The following MED31 variants were observed in gnomAD, a reference collection of about 807,000 sequenced individuals.
MED31 encodes the protein mediator complex subunit 31.
Under a neutral mutation model 22.0 loss-of-function variants are expected in MED31, and 11 were observed. The ratio of observed to expected loss-of-function variants is 0.50; its 90% CI spans 0.31 to 0.83. The LOEUF (loss-of-function observed/expected upper bound fraction) is 0.83, where lower values mean the gene tolerates loss of function less well. Among genes scored for constraint, MED31 ranks in the 40% least tolerant of loss-of-function variants. MED31 has a pLI of 0.04. For synonymous variants in MED31, 60 were observed against 55.1 expected (o/e 1.09, Z -0.40); for missense variants, 122 against 155.3 (o/e 0.79, Z 1.14).
In MED31 at chr17:6,651,328, C is replaced by T. The variant is rs112725605; in HGVS notation, c.28+173G>A. On this transcript the variant is annotated intron_variant, in intron 1 of 3. Transcript: ENST00000225728. ...GCAAAGATGTGCGAACAAACCAAAT[C>T]AGGAAAACTGCAAAGAGTACCTTAG... is the stretch of plus-strand genomic sequence containing the variant. 1,109 of 915,908 alleles carry T rather than the reference C, an allele frequency of 1.2e-3. 14 individuals carry two copies. The African/African-American group carries it at 0.016, about 13-fold the overall frequency. 56.7% of individuals were successfully genotyped at this position (915,908 alleles called of 1,614,324 possible).
intron 3 of MED31, among the ~76,000 whole-genome samples, chr17:6,649,329 G>T (rs1468761323): frequency 6.6e-6 from 1 of 151,054 alleles, no homozygotes; most frequent in African/African-American, 2.5e-5. Context: ...GACCTGAATG[G>T]TAAATATATA....
At chr17:6,650,298 C>A in intron 2 of MED31, 58 bp downstream of exon 2, 1 of 1,534,260 alleles carries the variant, frequency 6.5e-7, no homozygotes, top group Non-Finnish European at 9.0e-7. Context: ...TGAACTGCAA[C>A]TCTTCTGTCA....
At position 6,643,889 on chromosome 17, in the gene MED31, C is replaced by T; in HGVS notation, c.*578G>A. Reference sequence around the variant, plus strand: ...CTAACCACTAGTTGTCCTGCCATGACTAGGTCAAGTGAGGCCACAGTGATT... The same window carrying T: ...CTAACCACTAGTTGTCCTGCCATGATTAGGTCAAGTGAGGCCACAGTGATT... On this transcript the variant is annotated 3_prime_UTR_variant, in exon 4 of 4. Coordinates refer to ENST00000225728, the MANE Select transcript of MED31 (RefSeq NM_016060.3). The T allele has an allele frequency of 2.6e-6, 1 of 383,200 alleles. No individual in the cohort carries two copies. The highest frequency in any genetic ancestry group is 4.6e-6 in the Non-Finnish European group (1 of 216,590). The allele number at this position is 383,200 out of a possible 1,614,324, so 23.7% of individuals were successfully genotyped here. A position where few individuals can be genotyped will look rare whatever the true frequency, so the allele number is the denominator to read the frequency against.
intron 1 of MED31, among the ~76,000 whole-genome samples, chr17:6,651,120 C>CAAACAAAAAAAAAAA (rs1972829405): frequency 2.0e-5 from 1 of 49,068 alleles, no homozygotes; most frequent in African/African-American, 1.3e-4. Flanking sequence ...GACGCTGTCT[C>CAAACAAAAAAAAAAA]AAAAAAAAAA....
At chr17:6,651,380 T>C in intron 1 of MED31, 121 bp downstream of exon 1, 1 of 1,320,338 alleles carries the variant, frequency 7.6e-7, no homozygotes, top group Non-Finnish European at 1.0e-6. Context: ...AAGAGCCTTC[T>C]CTCCTCTCTG....
At position 6,644,534 on chromosome 17, in the gene MED31, C is replaced by A; in HGVS notation, c.329G>T (p.Arg110Leu). The A allele has an allele frequency of 6.2e-7, 1 of 1,613,218 alleles. No individual in the cohort carries two copies. The highest frequency in any genetic ancestry group is 8.5e-7 in the Non-Finnish European group (1 of 1,179,820). The change falls in exon 4 of 4, where the codon CGG becomes CTG. Residue 110 changes from arginine (R) to leucine (L), a missense_variant. By Grantham distance (102) the Arg-to-Leu change is moderately radical (BLOSUM62 -2). Transcript: ENST00000225728. ...GGCTTGCTGAAGGCGCATCCGCTTC[C>A]GGGAATAGTGCTGCCAATGTAGAAT... ...QQILHWQHYS[R>L]KRMRLQQALA... is the part of the protein sequence containing the mutation.
intron 1 of MED31, among the ~76,000 whole-genome samples, chr17:6,650,843 G>A (rs965127577): frequency 2.6e-5 from 4 of 152,088 alleles, no homozygotes; most frequent in Non-Finnish European, 4.4e-5. Context: ...AAAAACTTAG[G>A]ATGCAAGAGA....
chr17:6,644,517 G>A lies in MED31; in HGVS notation c.346C>T (p.Gln116Ter), dbSNP rs775920405. The A allele has an allele frequency of 6.2e-7, 1 of 1,610,316 alleles. No homozygotes were observed. The highest frequency in any genetic ancestry group is 1.1e-5 in the South Asian group (1 of 89,882). Residue 116 changes from glutamine (Q) to a stop codon, truncating the protein, a stop_gained, in exon 4 of 4, where the codon CAG (glutamine) becomes TAG (stop). Transcript: ENST00000225728. LOFTEE classifies it high-confidence loss of function. ...TGTTGCTGCTCTGCCAAGGCTTGCT[G>A]AAGGCGCATCCGCTTCCGGGAATAG... is the stretch of plus-strand genomic sequence containing the variant. Reference protein sequence around the residue: ...QHYSRKRMRLQQALAEQQQQN... With the variant: ...QHYSRKRMRL
Position 6,645,887 on chromosome 17 carries a change from T to C in MED31, c.204-1228A>G, listed in dbSNP as rs1972761397. ...GATATTTACATAGTCTCAAAGGATT[T>C]CCCTATAAGATACTTATTAAATACA... On this transcript the variant is annotated intron_variant, in intron 3 of 3. Transcript: ENST00000225728. Among the ~76,000 whole-genome samples the C allele has an allele frequency of 2.0e-5, 3 of 152,172 alleles. No individual in the cohort carries two copies. In the South Asian group the frequency reaches 6.2e-4, roughly 32 times the overall value.
chr17:6,644,727 T>C, intron 3 of MED31, 68 bp from the exon 4 acceptor site: 1 of 1,454,776 alleles, frequency 6.9e-7, no homozygotes, highest in African/African-American at 1.4e-5. Flanking sequence ...ATAATTCAGT[T>C]ATTCTCTTAA....
In MED31 at chr17:6,651,510, T is replaced by C. The variant is rs772284424; in HGVS notation, c.19A>G (p.Met7Val). ...TCAGAGAGCTACTCACCTGTCTCCA[T>C]AGCGACAGCAGCGGCCATAACAAAC... is the stretch of plus-strand genomic sequence containing the variant. MAAAVA[M>V]ETDDAGNRLR... Residue 7 changes from methionine to valine, a missense_variant, in exon 1 of 4, where the codon ATG becomes GTG. Met to Val is a conservative substitution (Grantham distance 21). Transcript: ENST00000225728. 22 of 1,614,022 alleles carry C rather than the reference T, an allele frequency of 1.4e-5. No homozygotes were observed. In the East Asian group the frequency reaches 2.9e-4, roughly 21 times the overall value.
At chr17:6,646,532 T>C (rs1972769646) in intron 3 of MED31, among the ~76,000 whole-genome samples, 1 of 148,760 alleles carries the variant, frequency 6.7e-6, no homozygotes, top group South Asian at 2.1e-4. Flanking sequence ...CCCAGAAACA[T>C]GTGCTATATT....
In MED31 at chr17:6,643,339, TA is replaced by T. The variant is rs1972720202; in HGVS notation, c.*1127del. ...CTCAAAAGATCAGTATCTTTTATTT[TA>T]AGTTATCTCCATCTGCAAAGCAACT... On this transcript the variant is annotated 3_prime_UTR_variant, in exon 4 of 4. Transcript: ENST00000225728. The T allele has an allele frequency of 9.6e-6, 2 of 208,620 alleles. No homozygotes were observed. The highest frequency in any genetic ancestry group is 2.3e-5 in the African/African-American group (1 of 43,176). 12.9% of individuals were successfully genotyped at this position (208,620 alleles called of 1,614,324 possible). A position where few individuals can be genotyped will look rare whatever the true frequency, so the allele number is the denominator to read the frequency against.
rs1429864670 is a variant in MED31 at position 6,644,676 on chromosome 17, A to G, written c.204-17T>C. 1.3e-6 allele frequency: 2 copies of G among 1,544,764 alleles called. No individual in the cohort carries two copies. Among genetic ancestry groups the G allele is most frequent in the Non-Finnish European group, 1.7e-6 (2 of 1,147,966 alleles). On this transcript the variant is annotated splice_polypyrimidine_tract_variant and intron_variant, in intron 3 of 3. Transcript: ENST00000225728. ...TGAGGGTACCTGGGTTTAAGTTTGT[A>G]AGTGAATGAACAACATAATTTAGGT...
intron 3 of MED31, among the ~76,000 whole-genome samples, chr17:6,646,347 C>T (rs1972766751): frequency 6.6e-6 from 1 of 152,154 alleles, no homozygotes; most frequent in South Asian, 2.1e-4. Context: ...GACATAAAAG[C>T]TAACAGACAA....
intron 1 of MED31, 24 bp from the exon 2 acceptor site, chr17:6,650,457 C>A: frequency 1.9e-6 from 3 of 1,608,784 alleles, no homozygotes; most frequent in South Asian, 2.2e-5. Context: ...CAGCAAAAAT[C>A]ATGGAAAACA....
intron 3 of MED31, among the ~76,000 whole-genome samples, chr17:6,649,450 T>TA (rs1972804758): frequency 6.6e-6 from 1 of 152,156 alleles, no homozygotes; most frequent in South Asian, 2.1e-4. Flanking sequence ...CTCCTTCAAA[T>TA]AACCCCAGAA....
intron 1 of MED31, chr17:6,651,229 G>C (rs552515536): frequency 1.6e-5 from 6 of 378,648 alleles, no homozygotes; most frequent in Non-Finnish European, 2.4e-5. Context: ...AATCAAGGAG[G>C]ACACGGTTTA....
intron 3 of MED31, among the ~76,000 whole-genome samples, chr17:6,649,542 C>A (rs577638320): frequency 1.3e-5 from 2 of 152,144 alleles, no homozygotes; most frequent in East Asian, 1.9e-4. Context: ...TTCTTAGGGA[C>A]CAGAAACCTG....
Sources: allele counts gnomAD v4.1 joint callset (sites outside exome capture counted in the v4.1 genomes callset), GRCh38; gene constraint gnomAD v4.1.1; transcripts MANE v1.5; gene names NCBI Gene and HGNC (gene_info 2026-07-23, HGNC 2026-07-21).